EFCAB5: variants seen among roughly 807,000 people sequenced by gnomAD.
EFCAB5 encodes EF-hand calcium binding domain 5.
EFCAB5 carries 131 observed loss-of-function variants against 167.9 expected under a neutral mutation model. The ratio of observed to expected loss-of-function variants is 0.78; its 90% confidence interval spans 0.68 to 0.90. EFCAB5 has a LOEUF of 0.90. Among genes scored for constraint, EFCAB5 ranks in the 40% least tolerant of loss-of-function variants. The pLI is 0.00. For missense variants in EFCAB5, 1,663 were observed against 1,745.2 expected (o/e 0.95, Z 0.84); for synonymous variants, 574 against 602.8 (o/e 0.95, Z 0.70).
chr17:30,069,050 A>G, intron 14 of EFCAB5: 1 of 1,403,542 alleles, frequency 7.1e-7, no homozygotes, highest in Non-Finnish European at 1.0e-6. Flanking sequence ...ATTGAAGATT[A>G]CTTAAAAAAA....
chr17:30,036,016 A>T (rs2069605060), intron 8 of EFCAB5, among the ~76,000 whole-genome samples: 1 of 147,772 alleles, frequency 6.8e-6, no homozygotes, highest in Non-Finnish European at 1.5e-5. Flanking sequence ...TTATACACAC[A>T]CATGCATATA....
At chr17:30,079,036 C>G (rs1287244780) in intron 15 of EFCAB5, among the ~76,000 whole-genome samples, 1 of 152,232 alleles carries the variant, frequency 6.6e-6, no homozygotes, top group Non-Finnish European at 1.5e-5. Flanking sequence ...ACAGCCTTGC[C>G]ACCTCCTCAG....
chr17:29,981,929 T>G (rs1266370726), intron 4 of EFCAB5, among the ~76,000 whole-genome samples: 1 of 152,202 alleles, frequency 6.6e-6, no homozygotes, highest in Non-Finnish European at 1.5e-5. Context: ...TAATTATTCA[T>G]CTGCTTAAAT....
chr17:30,043,677 A>G (rs1018973876), intron 8 of EFCAB5, among the ~76,000 whole-genome samples: 1 of 152,248 alleles, frequency 6.6e-6, no homozygotes, highest in Non-Finnish European at 1.5e-5. Context: ...GTATTTGCAA[A>G]TATCTACAGG....
In EFCAB5 at chr17:29,935,721, A is replaced by AT. The variant is rs397724320; in HGVS notation, c.-127+6392_-127+6393insT. ...CACCTTAAGGGCTAGAAAAAAAAAA[A>AT]CAAACAAACAAAAAACAAGAAAAAA... is the stretch of plus-strand genomic sequence containing the variant. On this transcript the variant is annotated intron_variant, in intron 1 of 3. Coordinates refer to the EFCAB5 transcript ENST00000448319. Among the ~76,000 whole-genome samples the AT allele has an allele frequency of 3.3e-5, 5 of 149,530 alleles. No homozygotes were observed. In the East Asian group the frequency reaches 9.7e-4, roughly 29 times the overall value.
intron 8 of EFCAB5, among the ~76,000 whole-genome samples, chr17:30,045,187 G>A (rs2069887329): frequency 6.6e-6 from 1 of 152,170 alleles, no homozygotes; most frequent in South Asian, 2.1e-4. Flanking sequence ...GCCGGGCACG[G>A]TGGTTCACGC....
intron 7 of EFCAB5, among the ~76,000 whole-genome samples, chr17:30,000,821 G>A (rs73267619): frequency 6.6e-6 from 1 of 152,052 alleles, no homozygotes; most frequent in African/African-American, 2.4e-5. Flanking sequence ...TATTTGTCAT[G>A]CATTACTCAC....
rs980304512 is a variant in EFCAB5 at position 30,006,065 on chromosome 17, G to A, written c.1044+6089G>A. 4.6e-5 allele frequency among the ~76,000 whole-genome samples: 7 copies of A among 152,128 alleles called. No individual in the cohort carries two copies. The South Asian group carries it at 1.4e-3, about 31-fold the overall frequency. The stretch of plus-strand genomic sequence containing the variant: ...TCCGTGTATTGACTTATGTCTTTGC[G>A]TGTAAATTCTGCCTCCCTAAAATGT... On this transcript the variant is annotated intron_variant, in intron 7 of 22. Transcript: ENST00000394835.
In EFCAB5 at chr17:29,988,621, C is replaced by T. The variant is rs924646087; in HGVS notation, c.768-4544C>T. 2.0e-4 allele frequency among the ~76,000 whole-genome samples: 30 copies of T among 152,106 alleles called. 1 individual carries two copies. The highest frequency in any genetic ancestry group is 6.8e-4 in the African/African-American group (28 of 41,386). The stretch of plus-strand genomic sequence containing the variant: ...GTTTTGTTTTTAGGAAAATGATTAT[C>T]GAGAATACTCACAAAGTCAGTTAAA... On this transcript the variant is annotated intron_variant, in intron 4 of 22. Coordinates refer to ENST00000394835, the MANE Select transcript of EFCAB5 (RefSeq NM_198529.4).
intron 4 of EFCAB5, among the ~76,000 whole-genome samples, chr17:29,978,830 A>G (rs2068112487): frequency 6.6e-6 from 1 of 152,226 alleles, no homozygotes; most frequent in Non-Finnish European, 1.5e-5. Flanking sequence ...TTGTCTGTTC[A>G]TAGAGTAGGT....
At chr17:30,041,198 G>GAAAGGAAA (rs1272735261) in intron 8 of EFCAB5, among the ~76,000 whole-genome samples, 10 of 100,570 alleles carry the variant, frequency 9.9e-5, no homozygotes, top group African/African-American at 3.0e-4. Context: ...AAGGAAGGAA[G>GAAAGGAAA]GAAGAAAGGA....
intron 19 of EFCAB5, among the ~76,000 whole-genome samples, chr17:30,089,086 CCCCTT>C (rs2071144848): frequency 6.6e-6 from 1 of 152,054 alleles, no homozygotes; most frequent in Non-Finnish European, 1.5e-5. Flanking sequence ...GCTATCCCTC[CCCCTT>C]CCCTCCACCC....
At chr17:30,058,038 T>A in intron 13 of EFCAB5, 148 bp downstream of exon 13, 1 of 686,418 alleles carries the variant, frequency 1.5e-6, no homozygotes, top group South Asian at 2.1e-5. Flanking sequence ...TTAAAGATTC[T>A]ATTTTATCAT....
At chr17:29,930,194 G>A (rs534243488) in intron 1 of EFCAB5, 5 of 571,740 alleles carry the variant, frequency 8.7e-6, no homozygotes, top group Admixed American at 6.8e-5. Flanking sequence ...CCGAACGGGC[G>A]GCGGGCGGGC....
chr17:29,941,036 T>TAA (rs1174084817), upstream of EFCAB5, among the ~76,000 whole-genome samples: 6 of 139,870 alleles, frequency 4.3e-5, no homozygotes, highest in Non-Finnish European at 6.2e-5. Context: ...TGAGACTCTG[T>TAA]AAAAAAAAAA....
At position 30,082,941 on chromosome 17, in the gene EFCAB5, G is replaced by T. The variant is rs752087156; in HGVS notation, c.3477G>T (p.Glu1159Asp). 7.4e-6 allele frequency: 12 copies of T among 1,613,932 alleles called. No homozygotes were observed. The highest frequency in any genetic ancestry group is 1.0e-5 in the Non-Finnish European group (12 of 1,179,886). The change falls in exon 18 of 23, where the codon GAG becomes GAT. Residue 1159 changes from glutamate to aspartate, a missense_variant. Glu to Asp is a conservative substitution (Grantham distance 45). Transcript: ENST00000394835. ...STAYHYVHSR[E>D]HILHIVITGI... ...CCTATCACTACGTCCACAGCCGGGA[G>T]CACATTCTGCATATTGTGATCACTG...
chr17:30,033,190 T>G (rs1166634145), intron 7 of EFCAB5, among the ~76,000 whole-genome samples: 1 of 152,098 alleles, frequency 6.6e-6, no homozygotes, highest in Non-Finnish European at 1.5e-5. Flanking sequence ...GCCATTCTCC[T>G]GCCTCAGCTT....
At chr17:29,959,217 G>A (rs2067674614) in intron 3 of EFCAB5, among the ~76,000 whole-genome samples, 1 of 151,948 alleles carries the variant, frequency 6.6e-6, no homozygotes, top group Non-Finnish European at 1.5e-5. Flanking sequence ...TTCAGCCTGT[G>A]TCTTTCCCTT....
Position 29,942,415 on chromosome 17 carries a change from A to G in EFCAB5, c.105+113A>G, listed in dbSNP as rs947806572. 4 of 958,962 alleles carry G rather than the reference A, an allele frequency of 4.2e-6. No individual in the cohort carries two copies. In the African/African-American group the frequency reaches 6.6e-5, roughly 16 times the overall value. The allele number at this position is 958,962 out of a possible 1,614,324, so 59.4% of individuals were successfully genotyped here. A position where few individuals can be genotyped will look rare whatever the true frequency, so the allele number is the denominator to read the frequency against. On this transcript the variant is annotated intron_variant, in intron 2 of 22. Coordinates refer to ENST00000394835, the MANE Select transcript of EFCAB5 (RefSeq NM_198529.4). ...TATTCAAAAAGATAACTAAAATTGC[A>G]AAAGGAAAAGGACAAACTCATGTTG... is the stretch of plus-strand genomic sequence containing the variant.
Sources: allele counts gnomAD v4.1 joint callset (sites outside exome capture counted in the v4.1 genomes callset), GRCh38; gene constraint gnomAD v4.1.1; transcripts MANE v1.5; gene names NCBI Gene and HGNC (gene_info 2026-07-23, HGNC 2026-07-21).